Variants in ZYG11B observed in about 807,000 individuals in gnomAD.
The protein encoded by ZYG11B is zyg-11 family member B, cell cycle regulator.
Under a neutral mutation model 82.4 loss-of-function variants are expected in ZYG11B, and 36 were observed. That is an observed-to-expected ratio of 0.44 (90% confidence interval 0.33 to 0.58). ZYG11B has a LOEUF of 0.58. Among genes scored for constraint, ZYG11B ranks in the 20% least tolerant of loss-of-function variants. The probability of loss-of-function intolerance (pLI) is 0.02; values close to 1 mark genes in which losing one functional copy is unlikely to be tolerated. For missense variants in ZYG11B, 552 were observed against 895.6 expected (o/e 0.62, Z 4.90); for synonymous variants, 303 against 312.8 (o/e 0.97, Z 0.33).
chr1:52,749,066 GGTGCCGC>G (rs1644500275), intron 1 of ZYG11B, among the ~76,000 whole-genome samples: 1 of 151,554 alleles, frequency 6.6e-6, no homozygotes, highest in Admixed American at 6.6e-5. Context: ...AGTTAAGTGT[GGTGCCGC>G]GTGCCTGTAA....
intron 4 of ZYG11B, among the ~76,000 whole-genome samples, chr1:52,781,682 T>C (rs74911353): frequency 0.016 from 2,508 of 152,302 alleles, 21 homozygotes; most frequent in Non-Finnish European, 0.026. Context: ...GCACCTCATT[T>C]AGTGGGCACA....
intron 8 of ZYG11B, among the ~76,000 whole-genome samples, chr1:52,797,460 G>T (rs61771063): frequency 1.1e-3 from 64 of 60,644 alleles, no homozygotes; most frequent in African/African-American, 2.4e-3. Context: ...TATCATATAT[G>T]ATATATATAT....
intron 5 of ZYG11B, among the ~76,000 whole-genome samples, chr1:52,786,101 T>G (rs906491868): frequency 3.3e-5 from 5 of 152,090 alleles, no homozygotes; most frequent in Admixed American, 1.3e-4. Flanking sequence ...AAGTAAAAAT[T>G]AATAAAATAA....
At chr1:52,778,738 C>T (rs537129789) in intron 3 of ZYG11B, among the ~76,000 whole-genome samples, 5 of 151,992 alleles carry the variant, frequency 3.3e-5, no homozygotes, top group East Asian at 3.9e-4. Flanking sequence ...GTTTGGTTGC[C>T]GAATGGCACC....
At chr1:52,733,530 G>A (rs191917910) in intron 1 of ZYG11B, among the ~76,000 whole-genome samples, 37 of 151,936 alleles carry the variant, frequency 2.4e-4, no homozygotes, top group East Asian at 1.6e-3. Context: ...AAAAATTAGC[G>A]CACATCTGGG....
intron 1 of ZYG11B, among the ~76,000 whole-genome samples, chr1:52,740,162 T>A (rs774739235): frequency 2.6e-5 from 4 of 152,234 alleles, no homozygotes; most frequent in Non-Finnish European, 5.9e-5. Flanking sequence ...AGGAAAATAG[T>A]GCTAAAGTAT....
rs11446988 is a variant in ZYG11B, at chr1:52,746,687, G to GTTTT, written c.31-9747_31-9744dup. 5.3e-3 allele frequency among the ~76,000 whole-genome samples: 179 copies of GTTTT among 33,502 alleles called. 49 individuals are homozygous for GTTTT. Among genetic ancestry groups the GTTTT allele is most frequent in the African/African-American group, 0.017 (137 of 7,964 alleles). 22.0% of individuals were successfully genotyped at this position (33,502 alleles called of 152,430 possible). ...ACCAAAAAAATAAAGATCGGCCACT[G>GTTTT]TTTTTTTTTTTTTTTTTTTTTTTTT... On this transcript the variant is annotated intron_variant, in intron 1 of 13. Transcript: ENST00000294353.
chr1:52,739,394 C>G (rs1644405275), intron 1 of ZYG11B, among the ~76,000 whole-genome samples: 1 of 152,084 alleles, frequency 6.6e-6, no homozygotes, highest in Non-Finnish European at 1.5e-5. Context: ...TTCCTTCCAT[C>G]TCTTAAAGAA....
intron 2 of ZYG11B, among the ~76,000 whole-genome samples, chr1:52,759,080 C>G (rs1461226224): frequency 6.6e-6 from 1 of 151,968 alleles, no homozygotes; most frequent in African/African-American, 2.4e-5. Context: ...TACAGGTGCC[C>G]ACCAACACGC....
chr1:52,772,489 C>T lies in ZYG11B; in HGVS notation c.951+715C>T, dbSNP rs534474283. ...TGTGCAACACCATGTGATTCTCTCACGATTACACCGATCTGTGAAGGAGTA... is the reference window on the plus strand; with the variant it reads ...TGTGCAACACCATGTGATTCTCTCATGATTACACCGATCTGTGAAGGAGTA... On this transcript the variant is annotated intron_variant, in intron 3 of 13. Coordinates refer to ENST00000294353, the MANE Select transcript of ZYG11B (RefSeq NM_024646.3). The T allele has an allele frequency of 4.7e-5, 75 of 1,596,382 alleles. No homozygotes were observed. In the South Asian group the frequency reaches 6.3e-4, roughly 13 times the overall value.
Position 52,821,728 on chromosome 1 carries a change from C to T in ZYG11B, c.*99C>T, listed in dbSNP as rs1645285975. 7.8e-6 allele frequency: 9 copies of T among 1,155,512 alleles called. No individual in the cohort carries two copies. The East Asian group carries it at 2.2e-4, about 28-fold the overall frequency. The allele number at this position is 1,155,512 out of a possible 1,614,324, so 71.6% of individuals were successfully genotyped here. A position where few individuals can be genotyped will look rare whatever the true frequency, so the allele number is the denominator to read the frequency against. ...CCTGATGTTTTGGGGGTTTCTATGACAAGAGTCATAAAATCAGTTTGGGAT... is the reference window on the plus strand; with the variant it reads ...CCTGATGTTTTGGGGGTTTCTATGATAAGAGTCATAAAATCAGTTTGGGAT... On this transcript the variant is annotated 3_prime_UTR_variant, in exon 14 of 14. Transcript: ENST00000294353.
intron 1 of ZYG11B, among the ~76,000 whole-genome samples, chr1:52,745,116 C>A (rs1405828306): frequency 1.3e-5 from 2 of 152,186 alleles, no homozygotes; most frequent in Non-Finnish European, 2.9e-5. Flanking sequence ...TTTGCCATGG[C>A]TCTGGCAATA....
chr1:52,746,699 T>C (rs1306138286), intron 1 of ZYG11B, among the ~76,000 whole-genome samples: 1 of 138,486 alleles, frequency 7.2e-6, no homozygotes, highest in African/African-American at 2.7e-5. Context: ...TTTTTTTTTT[T>C]TTTTTTTTTT....
At chr1:52,814,006 G>A in intron 12 of ZYG11B, 94 bp downstream of exon 12, 2 of 1,167,066 alleles carry the variant, frequency 1.7e-6, no homozygotes, top group Non-Finnish European at 2.5e-6. Flanking sequence ...TTTCCCTCAG[G>A]CACCTCAATA....
intron 1 of ZYG11B, among the ~76,000 whole-genome samples, chr1:52,742,270 A>G (rs1416824709): frequency 6.6e-6 from 1 of 151,750 alleles, no homozygotes; most frequent in East Asian, 1.9e-4. Flanking sequence ...TGAGCAACAT[A>G]GTAAGACCCC....
chr1:52,818,587 A>G (rs1031928478), intron 13 of ZYG11B, among the ~76,000 whole-genome samples: 1 of 152,136 alleles, frequency 6.6e-6, no homozygotes, highest in Non-Finnish European at 1.5e-5. Context: ...ATGGTTCTCC[A>G]TATAAGAGGG....
chr1:52,726,704 C>T lies in ZYG11B; in HGVS notation c.30+21C>T, dbSNP rs1470109014. 2.0e-6 allele frequency: 3 copies of T among 1,470,106 alleles called. No homozygotes were observed. In the South Asian group the frequency reaches 3.9e-5, roughly 19 times the overall value. 91.1% of individuals were successfully genotyped at this position (1,470,106 alleles called of 1,614,324 possible). On this transcript the variant is annotated intron_variant, in intron 1 of 13. Transcript: ENST00000294353. ...CCATGGTGAGGGAGCAAGGCCTGCC[C>T]TAGCCGCAGCCGCCCGCCACCCTAG...
In ZYG11B at chr1:52,825,289, T is replaced by C. The variant is rs1431678894; in HGVS notation, c.*3660T>C. 1.3e-5 allele frequency: 2 copies of C among 152,156 alleles called. No individual in the cohort carries two copies. The highest frequency in any genetic ancestry group is 2.9e-5 in the Non-Finnish European group (2 of 68,038). 9.4% of individuals were successfully genotyped at this position (152,156 alleles called of 1,614,324 possible). A position where few individuals can be genotyped will look rare whatever the true frequency, so the allele number is the denominator to read the frequency against. On this transcript the variant is annotated 3_prime_UTR_variant, in exon 14 of 14. Coordinates refer to ENST00000294353, the MANE Select transcript of ZYG11B (RefSeq NM_024646.3). The stretch of plus-strand genomic sequence containing the variant: ...AATTAATAAAATAAATCAAGTGGTA[T>C]AAGGGATTAGTTTACCCTCAAGCCG...
chr1:52,772,501 T>A, intron 3 of ZYG11B: 4 of 1,602,320 alleles, frequency 2.5e-6, no homozygotes, highest in Non-Finnish European at 2.6e-6. Context: ...ATTACACCGA[T>A]CTGTGAAGGA....
Sources: allele counts gnomAD v4.1 joint callset (sites outside exome capture counted in the v4.1 genomes callset), GRCh38; gene constraint gnomAD v4.1.1; transcripts MANE v1.5; gene names NCBI Gene and HGNC (gene_info 2026-07-23, HGNC 2026-07-21).